GNL3L: variants seen among roughly 807,000 people sequenced by gnomAD.
The protein encoded by GNL3L is G protein nucleolar 3 like, also known as guanine nucleotide-binding protein-like 3-like protein.
Under a neutral mutation model 42.9 loss-of-function variants are expected in GNL3L, and 4 were observed. The observed-to-expected ratio is 0.09, with a 90% CI of 0.05 to 0.21. GNL3L has a LOEUF of 0.21. Among genes scored for constraint, GNL3L ranks in the 10% least tolerant of loss-of-function variants. The pLI is 1.00. For missense variants in GNL3L, 412 were observed against 481.7 expected (o/e 0.86, Z 1.36); for synonymous variants, 159 against 176.3 (o/e 0.90, Z 0.78).
intron 16 of GNL3L, among the ~76,000 whole-genome samples, chrX:54,597,844 A>T (rs1428212997): frequency 3.6e-5 from 4 of 110,742 alleles, no homozygotes; most frequent in African/African-American, 1.3e-4. Context: ...ATTGAGTTCA[A>T]TGCTTCACAA....
chrX:54,584,644 C>T (rs967985324), intron 16 of GNL3L, among the ~76,000 whole-genome samples: 6 of 112,520 alleles, frequency 5.3e-5, no homozygotes, highest in African/African-American at 1.9e-4. Context: ...ATACAATGAA[C>T]ATGGTAGTAC....
downstream of GNL3L, among the ~76,000 whole-genome samples, chrX:54,572,014 T>A (rs980135224): frequency 1.2e-4 from 13 of 108,236 alleles, no homozygotes; most frequent in Admixed American, 3.0e-4. Context: ...TTTATTTATT[T>A]ATTTTTTTTT....
chrX:54,631,425 T>C, the GNL3L span, among the ~76,000 whole-genome samples: 1 of 110,946 alleles, frequency 9.0e-6, no homozygotes, highest in Non-Finnish European at 1.9e-5. Flanking sequence ...AGTAATTGTT[T>C]TATAAATTTG....
chrX:54,540,200 C>T lies in GNL3L; in HGVS notation c.147C>T (p.Pro49=). The T allele has an allele frequency of 8.3e-7, 1 of 1,205,987 alleles. No individual in the cohort carries two copies. Among genetic ancestry groups the T allele is most frequent in the Non-Finnish European group, 1.1e-6 (1 of 890,468 alleles). Residue 49 remains proline, a synonymous_variant, in exon 4 of 16, where the codon CCC becomes CCT. Transcript: ENST00000360845. ...KVPSAPHFVH[P]NDHANREAEL... The stretch of plus-strand genomic sequence containing the variant: ...CCTCTGCACCTCATTTTGTTCACCC[C>T]AATGATCATGCCAATCGAGAGGCTG...
chrX:54,590,817 TATTCATTCATTC>T (rs770645508), intron 16 of GNL3L, among the ~76,000 whole-genome samples: 1 of 110,352 alleles, frequency 9.1e-6, no homozygotes, highest in Non-Finnish European at 1.9e-5. Flanking sequence ...TTTATTTATT[TATTCATTCATTC>T]ATTCATTCAT....
intron 16 of GNL3L, among the ~76,000 whole-genome samples, chrX:54,575,639 C>G (rs1311459364): frequency 8.9e-6 from 1 of 112,194 alleles, no homozygotes; most frequent in Non-Finnish European, 1.9e-5. Flanking sequence ...GAGGCTGAGG[C>G]AGGAGAATGG....
intron 16 of GNL3L, among the ~76,000 whole-genome samples, chrX:54,619,969 A>G (rs1926268265): frequency 9.0e-6 from 1 of 110,671 alleles, no homozygotes; most frequent in Non-Finnish European, 1.9e-5. Context: ...TGCCTGTTTT[A>G]TTTATTTATT....
chrX:54,614,411 C>T lies in GNL3L; in HGVS notation c.*46-6434C>T, dbSNP rs764223467. Among the ~76,000 whole-genome samples the T allele has an allele frequency of 6.3e-5, 7 of 110,968 alleles. 1 individual carries two copies. The highest frequency in any genetic ancestry group is 3.9e-4 in the South Asian group (1 of 2,595). On this transcript the variant is annotated intron_variant, in intron 16 of 16. Transcript: ENST00000674498. The stretch of plus-strand genomic sequence containing the variant: ...TTGTGGAGTCTGCACACCGGATTTG[C>T]GCCCTCCCCTGAGTTCTGATCAGGA...
chrX:54,595,304 G>A (rs940673236), intron 16 of GNL3L, among the ~76,000 whole-genome samples: 1 of 110,704 alleles, frequency 9.0e-6, no homozygotes, highest in African/African-American at 3.3e-5. Context: ...ATATGCTATT[G>A]TAGGGTAAAA....
At chrX:54,616,446 TCACTCA>T (rs1247254428) in intron 16 of GNL3L, among the ~76,000 whole-genome samples, 1 of 112,026 alleles carries the variant, frequency 8.9e-6, no homozygotes, top group Non-Finnish European at 1.9e-5. Context: ...AGTGTGTTAG[TCACTCA>T]CACTCACTAA....
intron 16 of GNL3L, among the ~76,000 whole-genome samples, chrX:54,590,712 T>C (rs1199351116): frequency 1.8e-5 from 2 of 112,111 alleles, no homozygotes; most frequent in African/African-American, 6.5e-5. Context: ...GCTTGAGATT[T>C]TCCCCAGTGT....
At chrX:54,606,214 AC>A (rs1346246726) in intron 16 of GNL3L, among the ~76,000 whole-genome samples, 15 of 111,652 alleles carry the variant, frequency 1.3e-4, no homozygotes, top group African/African-American at 4.6e-4. Flanking sequence ...AATCCTCAAA[AC>A]AAGGTAGAGT....
intron 16 of GNL3L, among the ~76,000 whole-genome samples, chrX:54,586,793 T>C (rs1168890110): frequency 9.0e-6 from 1 of 111,661 alleles, no homozygotes; most frequent in Admixed American, 9.5e-5. Flanking sequence ...AGCCCCCTTG[T>C]ACCTGAGCAC....
chrX:54,639,987 C>A, the GNL3L span, among the ~76,000 whole-genome samples: 3 of 110,373 alleles, frequency 2.7e-5, no homozygotes, highest in Non-Finnish European at 1.9e-5. Flanking sequence ...GAGTGGAAGC[C>A]GCTGTCCAGA....
At chrX:54,571,498 C>CTTT (rs1161595672), downstream of GNL3L, among the ~76,000 whole-genome samples, 5 of 86,515 alleles carry the variant, frequency 5.8e-5, no homozygotes, top group African/African-American at 1.3e-4. Context: ...TGCGCCCGGC[C>CTTT]TTTTTTTTTT....
downstream of GNL3L, among the ~76,000 whole-genome samples, chrX:54,568,553 CTTTT>C (rs759337787): frequency 1.0e-5 from 1 of 99,992 alleles, no homozygotes; most frequent in African/African-American, 3.6e-5. Context: ...TATGTAGTAT[CTTTT>C]TTTTTTTTTT....
chrX:54,576,945 A>G (rs1925643963), intron 16 of GNL3L, among the ~76,000 whole-genome samples: 1 of 111,782 alleles, frequency 8.9e-6, no homozygotes, highest in Non-Finnish European at 1.9e-5. Flanking sequence ...TTAGGAGAAC[A>G]GTTCTGTGAC....
At chrX:54,586,390 C>T (rs1266352991) in intron 16 of GNL3L, among the ~76,000 whole-genome samples, 1 of 111,179 alleles carries the variant, frequency 9.0e-6, no homozygotes, top group Non-Finnish European at 1.9e-5. Context: ...TCCTAAGCAG[C>T]AGCAGCAGCA....
chrX:54,570,247 A>G (rs188855132), downstream of GNL3L, among the ~76,000 whole-genome samples: 22 of 112,080 alleles, frequency 2.0e-4, no homozygotes, highest in African/African-American at 6.5e-4. Context: ...TGCTAGGTGC[A>G]TAGACCTTTA....
Sources: allele counts gnomAD v4.1 joint callset (sites outside exome capture counted in the v4.1 genomes callset), GRCh38; gene constraint gnomAD v4.1.1; transcripts MANE v1.5; gene names NCBI Gene and HGNC (gene_info 2026-07-23, HGNC 2026-07-21).